Variants in RPS6KA2 observed in about 807,000 individuals in gnomAD.
RPS6KA2 encodes the protein ribosomal protein S6 kinase alpha-2.
RPS6KA2 carries 42 observed loss-of-function variants against 91.8 expected under a neutral mutation model. The ratio of observed to expected loss-of-function variants is 0.46; its 90% CI spans 0.36 to 0.59. RPS6KA2 has a LOEUF of 0.59. RPS6KA2 is among the 20% of genes least tolerant of loss of function. The probability of loss-of-function intolerance (pLI) is 0.00; values close to 1 mark genes in which losing one functional copy is unlikely to be tolerated. For missense variants in RPS6KA2, 798 were observed against 978.5 expected (o/e 0.82, Z 2.46); for synonymous variants, 414 against 393.6 (o/e 1.05, Z -0.61).
In RPS6KA2 at chr6:166,508,107, G is replaced by A. The variant is rs149218974; in HGVS notation, c.459+96C>T. 2.1e-5 allele frequency: 16 copies of A among 749,092 alleles called. No individual in the cohort carries two copies. Among genetic ancestry groups the A allele is most frequent in the South Asian group, 1.2e-4 (7 of 60,588 alleles). The allele number at this position is 749,092 out of a possible 1,614,324, so 46.4% of individuals were successfully genotyped here. A position where few individuals can be genotyped will look rare whatever the true frequency, so the allele number is the denominator to read the frequency against. ...CACACACACACACGCACTCTCGCAC[G>A]TGCTCACGTCCTCTCAATGCTCTCC... is the stretch of plus-strand genomic sequence containing the variant. On this transcript the variant is annotated intron_variant, in intron 5 of 20. Coordinates refer to ENST00000265678, the MANE Select transcript of RPS6KA2 (RefSeq NM_021135.6). This position sits in a 1 kb window ranked among gnomAD's most constrained non-coding sequence, Gnocchi z 4.3.
intron 2 of RPS6KA2, among the ~76,000 whole-genome samples, chr6:166,819,110 G>A (rs1326845087): frequency 6.6e-6 from 1 of 152,114 alleles, no homozygotes; most frequent in African/African-American, 2.4e-5. Context: ...AACATCATTT[G>A]AAGGTGCCTT....
chr6:166,642,417 T>C (rs1349098332), intron 2 of RPS6KA2, among the ~76,000 whole-genome samples: 2 of 152,212 alleles, frequency 1.3e-5, no homozygotes, highest in Non-Finnish European at 2.9e-5. Flanking sequence ...ACGAGCTGCA[T>C]GAAAGTAAAT....
intron 2 of RPS6KA2, among the ~76,000 whole-genome samples, chr6:166,656,938 G>T (rs1198209462): frequency 6.6e-6 from 1 of 152,174 alleles, no homozygotes; most frequent in Non-Finnish European, 1.5e-5. Context: ...TCAGAGAAAT[G>T]ACGCAGGATG....
intron 1 of RPS6KA2, among the ~76,000 whole-genome samples, chr6:166,585,756 A>G (rs1785152938): frequency 1.3e-5 from 1 of 75,184 alleles, no homozygotes; most frequent in South Asian, 4.3e-4. Context: ...AAACGAGCAC[A>G]TCTAAGCATA....
chr6:166,658,109 C>T (rs934441568), intron 2 of RPS6KA2, among the ~76,000 whole-genome samples: 18 of 152,152 alleles, frequency 1.2e-4, no homozygotes, highest in Non-Finnish European at 2.4e-4. Flanking sequence ...CTTAAACTCC[C>T]GACCTCAGGT....
At chr6:166,614,153 C>T (rs1410898140) in intron 1 of RPS6KA2, among the ~76,000 whole-genome samples, 2 of 152,254 alleles carry the variant, frequency 1.3e-5, no homozygotes, top group African/African-American at 4.8e-5. Flanking sequence ...AAACACTGTC[C>T]TCCTCTGCCA....
At chr6:166,420,260 C>T (rs1024581500) in intron 17 of RPS6KA2, among the ~76,000 whole-genome samples, 1 of 152,178 alleles carries the variant, frequency 6.6e-6, no homozygotes, top group Admixed American at 6.5e-5. Context: ...ATATGTATGA[C>T]ATAAAATTGA....
intron 2 of RPS6KA2, among the ~76,000 whole-genome samples, chr6:166,663,185 T>C (rs1424668767): frequency 2.0e-5 from 3 of 152,194 alleles, no homozygotes; most frequent in Non-Finnish European, 4.4e-5. Flanking sequence ...AAGATCAGAA[T>C]TGAAAGGTGG....
At chr6:166,718,556 G>A (rs936160384) in intron 2 of RPS6KA2, among the ~76,000 whole-genome samples, 9 of 152,092 alleles carry the variant, frequency 5.9e-5, no homozygotes, top group Non-Finnish European at 8.8e-5. Flanking sequence ...AAATGCAACC[G>A]TATCTGAAAA....
At chr6:166,584,145 C>G (rs1048345680) in intron 1 of RPS6KA2, among the ~76,000 whole-genome samples, 3 of 152,226 alleles carry the variant, frequency 2.0e-5, no homozygotes, top group Admixed American at 2.0e-4. Flanking sequence ...TCCCATAGTT[C>G]TGGAAGCTGG....
intron 3 of RPS6KA2, among the ~76,000 whole-genome samples, chr6:166,521,427 G>A (rs1782851256): frequency 6.6e-6 from 1 of 152,230 alleles, no homozygotes; most frequent in Admixed American, 6.5e-5. Flanking sequence ...TAGTCAAAGA[G>A]GATTATTCTG....
At chr6:166,841,847 G>A (rs1242174337) in intron 2 of RPS6KA2, among the ~76,000 whole-genome samples, 1 of 152,180 alleles carries the variant, frequency 6.6e-6, no homozygotes, top group Non-Finnish European at 1.5e-5. Context: ...CAGAGGGTCT[G>A]ATACAAAATC....
chr6:166,671,073 A>C (rs953183979), intron 2 of RPS6KA2, among the ~76,000 whole-genome samples: 1 of 152,156 alleles, frequency 6.6e-6, no homozygotes, highest in Non-Finnish European at 1.5e-5. Context: ...TCTACCTCCC[A>C]AAGTGTTAGA....
chr6:166,788,670 A>C (rs1008187327), intron 2 of RPS6KA2, among the ~76,000 whole-genome samples: 1 of 152,076 alleles, frequency 6.6e-6, no homozygotes, highest in African/African-American at 2.4e-5. Flanking sequence ...GGAACATCAC[A>C]CACCGGGGCC....
intron 1 of RPS6KA2, among the ~76,000 whole-genome samples, chr6:166,618,766 T>C (rs781733821): frequency 2.4e-4 from 37 of 152,234 alleles, no homozygotes; most frequent in Non-Finnish European, 4.0e-4. Flanking sequence ...CACAGAGTGA[T>C]TGTGGCCAGC....
intron 2 of RPS6KA2, among the ~76,000 whole-genome samples, chr6:166,722,343 TCAGA>T (rs1373478244): frequency 6.6e-6 from 1 of 152,044 alleles, no homozygotes; most frequent in Admixed American, 6.5e-5. Context: ...GTAAGGCGGG[TCAGA>T]CACTCAACAA....
intron 2 of RPS6KA2, among the ~76,000 whole-genome samples, chr6:166,672,926 C>T (rs1297749926): frequency 6.6e-6 from 1 of 152,196 alleles, no homozygotes; most frequent in African/African-American, 2.4e-5. Flanking sequence ...CTTCCGCGTC[C>T]CTGGCTTGGA....
intron 1 of RPS6KA2, among the ~76,000 whole-genome samples, chr6:166,553,373 C>G (rs1784075977): frequency 1.3e-5 from 2 of 152,022 alleles, no homozygotes; most frequent in South Asian, 4.2e-4. Flanking sequence ...GTCTGCCCAC[C>G]ACGGACTCCC....
chr6:166,492,203 G>C (rs1239698566), intron 8 of RPS6KA2, among the ~76,000 whole-genome samples: 1 of 152,208 alleles, frequency 6.6e-6, no homozygotes, highest in Non-Finnish European at 1.5e-5. Context: ...TTTGAAGCCT[G>C]TTCTGTCACA....
Sources: gnomAD v4.1 joint callset for allele counts (sites outside exome capture counted in the v4.1 genomes callset) on GRCh38, gnomAD v4.1.1 for gene constraint, Gnocchi (gnomAD v3.1) non-coding constraint, MANE v1.5 for transcripts, NCBI Gene and HGNC (gene_info 2026-07-23, HGNC 2026-07-21) for gene names.